Variants in ACTR10 observed in about 807,000 individuals in gnomAD.
ACTR10 encodes the protein actin related protein 10.
Under a neutral mutation model 56.2 loss-of-function variants are expected in ACTR10, and 43 were observed. The ratio of observed to expected loss-of-function variants is 0.77; its 90% CI spans 0.60 to 0.99. ACTR10 has a LOEUF of 0.99. Ranked by LOEUF, ACTR10 falls within the 50% of genes least tolerant of loss-of-function variation. ACTR10 has a pLI of 0.00. For missense variants in ACTR10, 466 were observed against 507.8 expected (o/e 0.92, Z 0.79); for synonymous variants, 170 against 176.3 (o/e 0.96, Z 0.28).
chr14:58,208,718 C>CA (rs879444259), intron 3 of ACTR10, among the ~76,000 whole-genome samples: 1,083 of 94,910 alleles, frequency 0.011, 9 homozygotes, highest in African/African-American at 0.035. Flanking sequence ...GATCCTGTCT[C>CA]AAAAAAAAAA....
rs761735074 is a variant in ACTR10 at position 58,200,222 on chromosome 14, C to G, written c.5C>G (p.Pro2Arg). 1 of 1,534,278 alleles carries G rather than the reference C, an allele frequency of 6.5e-7. No individual in the cohort carries two copies. Among genetic ancestry groups the G allele is most frequent in the Non-Finnish European group, 8.8e-7 (1 of 1,141,562 alleles). Residue 2 changes from proline (P) to arginine (R), a missense_variant, in exon 1 of 13, where the codon CCG (proline) becomes CGG (arginine). By Grantham distance (103) the Pro-to-Arg change is moderately radical (BLOSUM62 -2). Transcript: ENST00000254286. M[P>R]LYEGLGSGGE... ...CTCTCAGTCTGCCTTACTACCATGCCGCTCTACGAGGGCCTGGGGAGCGGC... is the reference window on the plus strand; with the variant it reads ...CTCTCAGTCTGCCTTACTACCATGCGGCTCTACGAGGGCCTGGGGAGCGGC...
chr14:58,233,641 T>G (rs991346125), intron 12 of ACTR10, among the ~76,000 whole-genome samples: 2 of 152,204 alleles, frequency 1.3e-5, no homozygotes, highest in African/African-American at 4.8e-5. Context: ...TTTCAACTGC[T>G]TGGGGGTCCA....
intron 4 of ACTR10, among the ~76,000 whole-genome samples, chr14:58,209,991 G>C (rs1371085199): frequency 1.3e-5 from 2 of 152,150 alleles, no homozygotes; most frequent in Non-Finnish European, 1.5e-5. Context: ...ATAGCCTCCA[G>C]TACCTACTGA....
chr14:58,206,086 A>G (rs1299601887), intron 2 of ACTR10, among the ~76,000 whole-genome samples: 1 of 152,106 alleles, frequency 6.6e-6, no homozygotes, highest in Non-Finnish European at 1.5e-5. Context: ...TTTGCTTTAT[A>G]ACAATTGGCA....
intron 8 of ACTR10, among the ~76,000 whole-genome samples, chr14:58,223,099 C>A (rs748561410): frequency 2.0e-5 from 3 of 151,980 alleles, no homozygotes; most frequent in Non-Finnish European, 2.9e-5. Flanking sequence ...ACACCTTAGT[C>A]AATGAAAAAG....
chr14:58,203,678 A>G (rs1280661509), intron 2 of ACTR10, among the ~76,000 whole-genome samples: 1 of 152,140 alleles, frequency 6.6e-6, no homozygotes, highest in African/African-American at 2.4e-5. Context: ...ATTATTTATA[A>G]TATATCAGAT....
intron 8 of ACTR10, among the ~76,000 whole-genome samples, chr14:58,220,917 A>G (rs1453364418): frequency 1.3e-5 from 2 of 152,172 alleles, no homozygotes; most frequent in African/African-American, 2.4e-5. Context: ...TTGTTTTGGA[A>G]GAAGGTCCAT....
rs1309729626 is a variant in ACTR10, at chr14:58,213,674, C to T, written c.494C>T (p.Pro165Leu). ...GTTCTAAATTGTTGGGGAGCACTAC[C>T]CCTAGGAGGAAAAGCTCTTCACAAG... ...IPVLNCWGAL[P>L]LGGKALHKEL... The change falls in exon 6 of 13, where the codon CCC becomes CTC. Residue 165 changes from proline (P) to leucine (L), a missense_variant. Transcript: ENST00000254286. 1.9e-6 allele frequency: 3 copies of T among 1,612,146 alleles called. No individual in the cohort carries two copies. The highest frequency in any genetic ancestry group is 1.1e-5 in the South Asian group (1 of 90,952).
Position 58,234,826 on chromosome 14 carries a change from T to C in ACTR10, c.*275T>C, listed in dbSNP as rs1319632037. ...GGAAGTTTGTTATGTGGCTTTTTTT[T>C]TTTTTTTTTTTTTGAGACGGAGTCT... On this transcript the variant is annotated 3_prime_UTR_variant, in exon 13 of 13. Transcript: ENST00000254286. 4.6e-6 allele frequency: 1 copy of C among 219,194 alleles called. No individual in the cohort carries two copies. The highest frequency in any genetic ancestry group is 1.4e-4 in the South Asian group (1 of 7,262). 13.6% of individuals were successfully genotyped at this position (219,194 alleles called of 1,614,324 possible).
chr14:58,211,103 A>G, intron 4 of ACTR10, 189 bp from the exon 5 acceptor site: 1 of 480,990 alleles, frequency 2.1e-6, no homozygotes, highest in Non-Finnish European at 3.7e-6. Context: ...TATTTTGGTT[A>G]TTGAGTGAAT....
intron 1 of ACTR10, among the ~76,000 whole-genome samples, chr14:58,200,528 C>T (rs778546073): frequency 6.6e-6 from 1 of 152,216 alleles, no homozygotes; most frequent in Non-Finnish European, 1.5e-5. Context: ...GAATTGCCCT[C>T]GTCGCCGCCC....
chr14:58,215,492 T>TTGTG (rs1189306175), intron 7 of ACTR10, among the ~76,000 whole-genome samples: 2 of 152,206 alleles, frequency 1.3e-5, no homozygotes, highest in Admixed American at 6.5e-5. Context: ...ACTTTTGACA[T>TTGTG]TGTGGATCAT....
In ACTR10 at chr14:58,223,847, G is replaced by C; in HGVS notation, c.779G>C (p.Gly260Ala). 3.1e-6 allele frequency: 5 copies of C among 1,611,506 alleles called. No individual in the cohort carries two copies. The highest frequency in any genetic ancestry group is 4.2e-6 in the Non-Finnish European group (5 of 1,178,350). The change falls in exon 10 of 13, where the codon GGA becomes GCA. Residue 260 changes from glycine (G) to alanine (A), a missense_variant. Coordinates refer to ENST00000254286, the MANE Select transcript of ACTR10 (RefSeq NM_018477.3). Reference protein sequence around the residue: ...LDGEKILHILGSIRDSVVEIL... With the variant: ...LDGEKILHILASIRDSVVEIL... ...GGAGAGAAGATTTTACATATCCTTG[G>C]ATCAATCAGGTTAGATCTTAAATTT...
At chr14:58,216,887 G>A (rs1889146148) in intron 7 of ACTR10, among the ~76,000 whole-genome samples, 1 of 152,184 alleles carries the variant, frequency 6.6e-6, no homozygotes, top group African/African-American at 2.4e-5. Flanking sequence ...AGGAGACTTT[G>A]AGGATCCCTG....
chr14:58,210,823 T>C (rs1888974922), intron 4 of ACTR10, among the ~76,000 whole-genome samples: 1 of 152,040 alleles, frequency 6.6e-6, no homozygotes, highest in Non-Finnish European at 1.5e-5. Context: ...TACAGGCAGA[T>C]GCCACAACAC....
At position 58,200,411 on chromosome 14, in the gene ACTR10, C is replaced by T. The variant is rs373158150; in HGVS notation, c.77+117C>T. On this transcript the variant is annotated intron_variant, in intron 1 of 12. Coordinates refer to ENST00000254286, the MANE Select transcript of ACTR10 (RefSeq NM_018477.3). ...TGGGCAGCTCCGGGCCTCCCCTTTT[C>T]TTCAACCAGCGCCCTTGCAAATAAC... 9.7e-5 allele frequency: 70 copies of T among 719,740 alleles called. 1 individual carries two copies. The African/African-American group carries it at 1.2e-3, about 13-fold the overall frequency. The allele number at this position is 719,740 out of a possible 1,614,324, so 44.6% of individuals were successfully genotyped here.
intron 2 of ACTR10, among the ~76,000 whole-genome samples, chr14:58,204,193 A>G (rs1308355337): frequency 1.3e-5 from 2 of 151,362 alleles, no homozygotes; most frequent in East Asian, 3.9e-4. Flanking sequence ...CATCCTGGCT[A>G]ACACAGTGAA....
intron 6 of ACTR10, among the ~76,000 whole-genome samples, chr14:58,214,872 A>G (rs1006391322): frequency 2.7e-5 from 4 of 149,558 alleles, no homozygotes; most frequent in Non-Finnish European, 5.9e-5. Flanking sequence ...CTGGGAGGCC[A>G]AGGCAGATGG....
At chr14:58,229,506 G>A (rs1197885938) in intron 10 of ACTR10, among the ~76,000 whole-genome samples, 1 of 151,676 alleles carries the variant, frequency 6.6e-6, no homozygotes, top group Non-Finnish European at 1.5e-5. Context: ...GTGAAACCCC[G>A]TCTCTACTAA....
Sources: gnomAD v4.1 joint callset for allele counts (sites outside exome capture counted in the v4.1 genomes callset) on GRCh38, gnomAD v4.1.1 for gene constraint, MANE v1.5 for transcripts, NCBI Gene and HGNC (gene_info 2026-07-23, HGNC 2026-07-21) for gene names.